ZSCAN1: variants seen among roughly 807,000 people sequenced by gnomAD.
ZSCAN1 encodes zinc finger and SCAN domain containing 1.
In ZSCAN1, 23 loss-of-function variants were observed where a neutral mutation model predicts 23.8. The ratio of observed to expected loss-of-function variants is 0.97; its 90% CI spans 0.70 to 1.37. The LOEUF (loss-of-function observed/expected upper bound fraction) is 1.37, where lower values mean the gene tolerates loss of function less well. ZSCAN1 is among the 40% of genes most tolerant of loss of function. The pLI, the probability that ZSCAN1 is intolerant of heterozygous loss-of-function variation, is 0.00. For missense variants in ZSCAN1, 575 were observed against 554.0 expected, an observed-to-expected ratio of 1.04 and a Z score of -0.38; for synonymous variants, 236 against 232.3, an observed-to-expected ratio of 1.02 and a Z score of -0.15.
intron 4 of ZSCAN1, among the ~76,000 whole-genome samples, chr19:58,048,034 G>A (rs1599906790): frequency 6.6e-6 from 1 of 152,344 alleles, no homozygotes; most frequent in South Asian, 2.1e-4. Flanking sequence ...CATAGGAATG[G>A]CACAGGCAGC....
rs1281733529 is a variant in ZSCAN1, at chr19:58,054,149, T to A, written c.*98T>A. 1.3e-5 allele frequency: 18 copies of A among 1,397,168 alleles called. No individual in the cohort carries two copies. Among genetic ancestry groups the A allele is most frequent in the Non-Finnish European group, 1.9e-6 (2 of 1,067,142 alleles). 86.5% of individuals were successfully genotyped at this position (1,397,168 alleles called of 1,614,324 possible). On this transcript the variant is annotated 3_prime_UTR_variant, in exon 6 of 6. Coordinates refer to ENST00000282326, the MANE Select transcript of ZSCAN1 (RefSeq NM_182572.4). The surrounding 1 kb of genome is among the most constrained non-coding windows in gnomAD (Gnocchi z 4.2). ...GACATCCCCCAGCCCCACCAACCCC[T>A]GGCCACCTTGGGACTCCTCTTGAAG...
chr19:58,039,149 A>G (rs1249884450), intron 3 of ZSCAN1, among the ~76,000 whole-genome samples: 4 of 152,202 alleles, frequency 2.6e-5, no homozygotes, highest in Non-Finnish European at 5.9e-5. Context: ...ACACTTAGGA[A>G]AGCTGTGACA....
At chr19:58,055,537 G>A (rs1685619093), downstream of ZSCAN1, among the ~76,000 whole-genome samples, 1 of 152,198 alleles carries the variant, frequency 6.6e-6, no homozygotes, top group Admixed American at 6.5e-5. Context: ...CAAAGGAGGA[G>A]CTTCTTCTAC....
At chr19:58,051,823 C>T (rs902138314) in intron 4 of ZSCAN1, among the ~76,000 whole-genome samples, 5 of 152,244 alleles carry the variant, frequency 3.3e-5, no homozygotes, top group African/African-American at 1.2e-4. Flanking sequence ...AGCTAAAGCT[C>T]CTCATCCAGG....
chr19:58,040,660 C>T lies in ZSCAN1; in HGVS notation c.465+116C>T. 9.7e-7 allele frequency: 1 copy of T among 1,035,806 alleles called. No homozygotes were observed. Among genetic ancestry groups the T allele is most frequent in the Non-Finnish European group, 1.4e-6 (1 of 700,646 alleles). 64.2% of individuals were successfully genotyped at this position (1,035,806 alleles called of 1,614,324 possible). Reference sequence around the variant, plus strand: ...TGTGTGAGGTTGTCCCCAGCGCTCCCAGGAAGCCCGGCCTCCAAACTCCCC... The same window carrying T: ...TGTGTGAGGTTGTCCCCAGCGCTCCTAGGAAGCCCGGCCTCCAAACTCCCC... On this transcript the variant is annotated intron_variant, in intron 4 of 5. Transcript: ENST00000282326. This position sits in a 1 kb window ranked among gnomAD's most constrained non-coding sequence, Gnocchi z 5.8.
At chr19:58,046,479 G>A (rs779443353) in intron 4 of ZSCAN1, 1 of 856,884 alleles carries the variant, frequency 1.2e-6, no homozygotes. Context: ...CCCCGGCCAA[G>A]GGCGTGCCCA....
intron 4 of ZSCAN1, among the ~76,000 whole-genome samples, chr19:58,042,309 G>GT (rs1016566751): frequency 6.6e-6 from 1 of 151,398 alleles, no homozygotes; most frequent in Non-Finnish European, 1.5e-5. Context: ...CCAGGCTGGA[G>GT]TGCAGTGGCG....
At chr19:58,052,961 C>CT (rs35923365) in intron 5 of ZSCAN1, among the ~76,000 whole-genome samples, 26 of 138,178 alleles carry the variant, frequency 1.9e-4, no homozygotes, top group East Asian at 1.3e-3. Context: ...AAACATGTGC[C>CT]TTTTTTTTTT....
At chr19:58,051,107 G>T (rs1427214034) in intron 4 of ZSCAN1, among the ~76,000 whole-genome samples, 6 of 152,058 alleles carry the variant, frequency 3.9e-5, no homozygotes, top group Non-Finnish European at 8.8e-5. Flanking sequence ...AGAGTCAGGG[G>T]AACTAAGCAT....
chr19:58,052,373 G>A (rs1244464544), intron 4 of ZSCAN1, 117 bp from the exon 5 acceptor site: 30 of 1,523,474 alleles, frequency 2.0e-5, no homozygotes, highest in African/African-American at 1.6e-4. Flanking sequence ...GCGACACCGC[G>A]CACTGCCCTG....
chr19:58,046,282 G>A (rs753711930), intron 4 of ZSCAN1: 52 of 790,744 alleles, frequency 6.6e-5, no homozygotes, highest in Non-Finnish European at 1.0e-4. Flanking sequence ...GCTGCTGAAG[G>A]AGGACATGCA....
At position 58,040,590 on chromosome 19, in the gene ZSCAN1, G is replaced by A. The variant is rs2073781502; in HGVS notation, c.465+46G>A. 1.3e-6 allele frequency: 2 copies of A among 1,587,160 alleles called. No homozygotes were observed. The highest frequency in any genetic ancestry group is 1.7e-6 in the Non-Finnish European group (2 of 1,157,296). ...TCCGTGCTCCTGCACCCCAGGGCATGCGTGCCGCTTCTGGGACGGCCTCAA... is the reference window on the plus strand; with the variant it reads ...TCCGTGCTCCTGCACCCCAGGGCATACGTGCCGCTTCTGGGACGGCCTCAA... On this transcript the variant is annotated intron_variant, in intron 4 of 5. Transcript: ENST00000282326. The surrounding 1 kb of genome is among the most constrained non-coding windows in gnomAD (Gnocchi z 5.8).
In ZSCAN1 at chr19:58,040,044, G is replaced by A. The variant is rs572384236; in HGVS notation, c.371-406G>A. On this transcript the variant is annotated intron_variant, in intron 3 of 5. Transcript: ENST00000282326. The surrounding 1 kb of genome is among the most constrained non-coding windows in gnomAD (Gnocchi z 5.8). ...CCACCACGCCTGGCCTGGTTCCCAC[G>A]TCTTGACCCTTCTGTCAATGGTGTC... 7.2e-5 allele frequency among the ~76,000 whole-genome samples: 11 copies of A among 152,226 alleles called. No individual in the cohort carries two copies. The South Asian group carries it at 1.5e-3, about 20-fold the overall frequency.
intron 2 of ZSCAN1, among the ~76,000 whole-genome samples, chr19:58,036,286 G>T (rs576430253): frequency 6.6e-6 from 1 of 152,124 alleles, no homozygotes. Context: ...CATCTTGCAC[G>T]CAGTCTACCA....
At chr19:58,037,588 TAGGTCAGAAGGTGGGAAG>T (rs1355579276) in intron 2 of ZSCAN1, 122 bp from the exon 3 acceptor site, 1 of 407,090 alleles carries the variant, frequency 2.5e-6, no homozygotes, top group Non-Finnish European at 4.3e-6. Flanking sequence ...TGTGGAAGAT[TAGGTCAGAAGGTGGGAAG>T]AGGTCAGGTT....
Position 58,045,104 on chromosome 19 carries a change from C to A in ZSCAN1, c.465+4560C>A. 1 of 1,243,914 alleles carries A rather than the reference C, an allele frequency of 8.0e-7. No individual in the cohort carries two copies. The highest frequency in any genetic ancestry group is 1.2e-6 in the Non-Finnish European group (1 of 846,132). The allele number at this position is 1,243,914 out of a possible 1,614,324, so 77.1% of individuals were successfully genotyped here. On this transcript the variant is annotated intron_variant, in intron 4 of 5. Coordinates refer to ENST00000282326, the MANE Select transcript of ZSCAN1 (RefSeq NM_182572.4). This position sits in a 1 kb window ranked among gnomAD's most constrained non-coding sequence, Gnocchi z 4.3. ...ACCATGGCTTCCGCCTGCTACGGATCCACACCAAGATCGCAGCACGCATGC... is the reference window on the plus strand; with the variant it reads ...ACCATGGCTTCCGCCTGCTACGGATACACACCAAGATCGCAGCACGCATGC...
rs1179845557 is a variant in ZSCAN1, at chr19:58,040,161, C to A, written c.371-289C>A. Among the ~76,000 whole-genome samples, 1 of 152,162 alleles carries A rather than the reference C, an allele frequency of 6.6e-6. No homozygotes were observed. The highest frequency in any genetic ancestry group is 1.9e-4 in the East Asian group (1 of 5,186). The stretch of plus-strand genomic sequence containing the variant: ...CAGAGGGCTCACAGTGCTCGGGCCT[C>A]CCTAGTTAGTCAGTGCTGCAGTGTG... On this transcript the variant is annotated intron_variant, in intron 3 of 5. Transcript: ENST00000282326. This position sits in a 1 kb window ranked among gnomAD's most constrained non-coding sequence, Gnocchi z 5.8.
chr19:58,053,886 C>G lies in ZSCAN1; in HGVS notation c.1062C>G (p.Ser354Arg), dbSNP rs1278220406. 44 of 1,613,438 alleles carry G rather than the reference C, an allele frequency of 2.7e-5. No individual in the cohort carries two copies. Among genetic ancestry groups the G allele is most frequent in the Non-Finnish European group, 3.7e-5 (44 of 1,179,586 alleles). ...LEPPRKKAPR[S>R]KGPRESVPPR... ...CACCGAGGAAGAAAGCCCCCCGGAG[C>G]AAGGGCCCCCGGGAGTCCGTCCCAC... Residue 354 changes from serine to arginine, a missense_variant, in exon 6 of 6, where the codon AGC (serine) becomes AGG (arginine). Coordinates refer to ENST00000282326, the MANE Select transcript of ZSCAN1 (RefSeq NM_182572.4). The surrounding 1 kb of genome is among the most constrained non-coding windows in gnomAD (Gnocchi z 5.8).
Position 58,045,013 on chromosome 19 carries a change from G to GC in ZSCAN1, c.465+4474dup. The GC allele has an allele frequency of 1.7e-6, 2 of 1,151,608 alleles. No individual in the cohort carries two copies. Among genetic ancestry groups the GC allele is most frequent in the South Asian group, 1.3e-5 (1 of 79,200 alleles). 71.3% of individuals were successfully genotyped at this position (1,151,608 alleles called of 1,614,324 possible). A position where few individuals can be genotyped will look rare whatever the true frequency, so the allele number is the denominator to read the frequency against. ...GGAGGAAGGCGGCCCTGTGTACAGCGCCCCCGCAGAGATGGTGGTGAAGTC... is the reference window on the plus strand; with the variant it reads ...GGAGGAAGGCGGCCCTGTGTACAGCGCCCCCCGCAGAGATGGTGGTGAAGTC... On this transcript the variant is annotated intron_variant, in intron 4 of 5. Transcript: ENST00000282326. The surrounding 1 kb of genome is among the most constrained non-coding windows in gnomAD (Gnocchi z 4.3).
Sources: gnomAD v4.1 joint callset for allele counts (sites outside exome capture counted in the v4.1 genomes callset) on GRCh38, gnomAD v4.1.1 for gene constraint, Gnocchi (gnomAD v3.1) non-coding constraint, MANE v1.5 for transcripts, NCBI Gene and HGNC (gene_info 2026-07-23, HGNC 2026-07-21) for gene names.